PEX1: variants seen among roughly 807,000 people sequenced by gnomAD.
PEX1 encodes peroxisomal biogenesis factor 1.
PEX1 carries 97 observed loss-of-function variants against 152.5 expected under a neutral mutation model. The ratio of observed to expected loss-of-function variants is 0.64; its 90% CI spans 0.54 to 0.75. PEX1 has a LOEUF of 0.75. Ranked by LOEUF, PEX1 falls within the 30% of genes least tolerant of loss-of-function variation. PEX1 has a pLI of 0.00. For missense variants in PEX1, 1,357 were observed against 1,516.3 expected, an observed-to-expected ratio of 0.89 and a Z score of 1.74; for synonymous variants, 485 against 531.6, an observed-to-expected ratio of 0.91 and a Z score of 1.21.
chr7:92,511,421 G>A (rs1231467673), intron 7 of PEX1, among the ~76,000 whole-genome samples, 159 bp downstream of exon 7: 6 of 152,028 alleles, frequency 3.9e-5, no homozygotes, highest in African/African-American at 9.7e-5. Flanking sequence ...CACTGCACCC[G>A]GCCAAAGATA....
chr7:92,502,087 A>C lies in PEX1; in HGVS notation c.2227-8T>G. Reference sequence around the variant, plus strand: ...AATTTCACATCTTTGTTCCTAAAGAAAAAAACACAAAATTCGAATTTCCAA... The same window carrying C: ...AATTTCACATCTTTGTTCCTAAAGACAAAAACACAAAATTCGAATTTCCAA... On this transcript the variant is annotated splice_region_variant and splice_polypyrimidine_tract_variant and intron_variant, in intron 13 of 23. Coordinates refer to ENST00000248633, the MANE Select transcript of PEX1 (RefSeq NM_000466.3). 1.3e-6 allele frequency: 2 copies of C among 1,566,576 alleles called. No homozygotes were observed. Among genetic ancestry groups the C allele is most frequent in the Non-Finnish European group, 1.8e-6 (2 of 1,141,678 alleles).
chr7:92,507,956 A>C (rs1380634133), intron 9 of PEX1: 1 of 152,042 alleles, frequency 6.6e-6, no homozygotes, highest in Non-Finnish European at 1.5e-5. Flanking sequence ...AAGCTTTTAA[A>C]ATTAGTTTTA....
At chr7:92,522,929 C>G (rs1793114283) in intron 1 of PEX1, among the ~76,000 whole-genome samples, 1 of 152,060 alleles carries the variant, frequency 6.6e-6, no homozygotes, top group Admixed American at 6.5e-5. Context: ...TCTTCTGTAC[C>G]CTTCCAGAAA....
At chr7:92,510,753 G>T in intron 8 of PEX1, 191 bp downstream of exon 8, 1 of 442,418 alleles carries the variant, frequency 2.3e-6, no homozygotes, top group Non-Finnish European at 4.1e-6. Flanking sequence ...TTAAATTTAG[G>T]TTAAGTCAAT....
At chr7:92,494,741 C>T (rs1171639703) in intron 17 of PEX1, 112 bp from the exon 18 acceptor site, 4 of 639,360 alleles carry the variant, frequency 6.3e-6, no homozygotes, top group Non-Finnish European at 6.8e-6. Flanking sequence ...TATTTATATA[C>T]TTCTTTTAAT....
intron 23 of PEX1, among the ~76,000 whole-genome samples, chr7:92,488,095 G>A (rs902796142): frequency 6.6e-6 from 1 of 152,136 alleles, no homozygotes; most frequent in Non-Finnish European, 1.5e-5. Context: ...TTGTGGCATA[G>A]CTACACTATA....
At chr7:92,496,516 A>G (rs930162560) in intron 17 of PEX1, among the ~76,000 whole-genome samples, 197 bp downstream of exon 17, 3 of 152,200 alleles carry the variant, frequency 2.0e-5, no homozygotes, top group African/African-American at 7.2e-5. Context: ...ACAAAACCAA[A>G]TAATTTCCAA....
chr7:92,505,034 T>C (rs1792120554), intron 11 of PEX1, 132 bp from the exon 12 acceptor site: 1 of 689,940 alleles, frequency 1.4e-6, no homozygotes, highest in Non-Finnish European at 2.5e-6. Flanking sequence ...TTTATTAATA[T>C]ACCCATCACA....
intron 7 of PEX1, among the ~76,000 whole-genome samples, chr7:92,511,257 T>G (rs1335579127): frequency 6.6e-6 from 1 of 152,058 alleles, no homozygotes; most frequent in African/African-American, 2.4e-5. Flanking sequence ...CCCAAGTAGC[T>G]GGGACTACAG....
In PEX1 at chr7:92,517,688, A is replaced by G; in HGVS notation, c.827T>C (p.Met276Thr). 1.2e-6 allele frequency: 2 copies of G among 1,613,656 alleles called. No individual in the cohort carries two copies. Among genetic ancestry groups the G allele is most frequent in the East Asian group, 2.2e-5 (1 of 44,868 alleles). ...GTCTAGAGGAACAACCTTTGACTGC[A>G]TATTTTTGAATGCATTGATTTCAGT... ...GLTEINAFKN[M>T]QSKVVPLDNI... The change falls in exon 5 of 24, where the codon ATG becomes ACG. Residue 276 changes from methionine to threonine, a missense_variant. By Grantham distance (81) the Met-to-Thr change is moderately conservative. Transcript: ENST00000248633.
chr7:92,489,500 T>C (rs1791152311), intron 22 of PEX1, 77 bp from the exon 23 acceptor site: 3 of 1,306,230 alleles, frequency 2.3e-6, no homozygotes, highest in Non-Finnish European at 3.3e-6. Context: ...TTGTTACTTC[T>C]TATTGTCAGT....
intron 2 of PEX1, among the ~76,000 whole-genome samples, chr7:92,520,687 T>C (rs1310154021): frequency 6.6e-6 from 1 of 152,240 alleles, no homozygotes; most frequent in African/African-American, 2.4e-5. Context: ...CTATCAGTGA[T>C]TCTTCAGGAG....
intron 17 of PEX1, among the ~76,000 whole-genome samples, chr7:92,495,320 TG>T (rs1399828054): frequency 2.0e-5 from 3 of 152,170 alleles, no homozygotes; most frequent in Non-Finnish European, 4.4e-5. Flanking sequence ...TCACGGTGAT[TG>T]AAAAAAATCA....
In PEX1 at chr7:92,518,026, A is replaced by C. The variant is rs1269219461; in HGVS notation, c.489T>G (p.Ala163=). The stretch of plus-strand genomic sequence containing the variant: ...CAGTTTCCAGCCTTCCATAAGAGGC[A>C]GCTGGTATTAGTGCAACTGTGTAGA... ...IFIQIVALIP[A]ASYGRLETDT... The change falls in exon 5 of 24, where the codon GCT becomes GCG. Residue 163 remains alanine (A), a synonymous_variant. Transcript: ENST00000248633. The C allele has an allele frequency of 6.2e-7, 1 of 1,614,190 alleles. No homozygotes were observed. Among genetic ancestry groups the C allele is most frequent in the Non-Finnish European group, 8.5e-7 (1 of 1,180,034 alleles).
chr7:92,496,679 T>G (rs1791667691), intron 17 of PEX1, 34 bp downstream of exon 17: 1 of 1,332,984 alleles, frequency 7.5e-7, no homozygotes, highest in South Asian at 1.2e-5. Context: ...AATAACAGAG[T>G]CAGTTACTTT....
In PEX1 at chr7:92,518,197, G is replaced by A. The variant is rs758922223; in HGVS notation, c.416C>T (p.Pro139Leu). The change falls in exon 4 of 24, where the codon CCA (proline) becomes CTA (leucine). Residue 139 changes from proline to leucine, a missense_variant. Coordinates refer to ENST00000248633, the MANE Select transcript of PEX1 (RefSeq NM_000466.3). ...HLLDQIRIVF[P>L]KAIFPVWVDQ... ...AACCCAAACAGGAAAAATGGCTTTT[G>A]GAAAAACTATTCGAATTTGATCTAG... 1.9e-6 allele frequency: 3 copies of A among 1,613,624 alleles called. No individual in the cohort carries two copies. In the African/African-American group the frequency reaches 4.0e-5, roughly 22 times the overall value.
Position 92,503,040 on chromosome 7 carries a change from C to T in PEX1, c.2226+1G>A. The T allele has an allele frequency of 6.2e-7, 1 of 1,611,402 alleles. No homozygotes were observed. The highest frequency in any genetic ancestry group is 1.7e-4 in the Middle Eastern group (1 of 6,054). ...AATAATCCTTACAAGTAGTGTATTA[C>T]CTGATTAGGAGGCTGAATGTGTTGG... On this transcript the variant is annotated splice_donor_variant, in intron 13 of 23. Transcript: ENST00000248633. LOFTEE classifies it high-confidence loss of function.
chr7:92,512,194 G>A (rs1307045123), intron 6 of PEX1, among the ~76,000 whole-genome samples: 1 of 152,112 alleles, frequency 6.6e-6, no homozygotes, highest in Non-Finnish European at 1.5e-5. Flanking sequence ...GCTAATTTTT[G>A]TATTTTTGGT....
chr7:92,491,207 T>C, intron 21 of PEX1, 65 bp downstream of exon 21: 1 of 1,141,260 alleles, frequency 8.8e-7, no homozygotes, highest in Non-Finnish European at 1.3e-6. Flanking sequence ...GAGAAATCAC[T>C]GCAACTTTAC....
Sources: gnomAD v4.1 joint callset for allele counts (sites outside exome capture counted in the v4.1 genomes callset) on GRCh38, gnomAD v4.1.1 for gene constraint, MANE v1.5 for transcripts, NCBI Gene and HGNC (gene_info 2026-07-23, HGNC 2026-07-21) for gene names.